The following ACER2 variants were observed in gnomAD, a reference collection of about 807,000 sequenced individuals.
The protein encoded by ACER2 is alkaline ceramidase 2, also known as alkCDase 2.
ACER2 carries 26 observed loss-of-function variants against 34.7 expected under a neutral mutation model. The ratio of observed to expected loss-of-function variants is 0.75; its 90% CI spans 0.55 to 1.04. The LOEUF (loss-of-function observed/expected upper bound fraction) is 1.04, where lower values mean the gene tolerates loss of function less well. Among genes scored for constraint, ACER2 ranks in the 50% least tolerant of loss-of-function variants. The pLI is 0.00. For synonymous variants in ACER2, 138 were observed against 132.1 expected (o/e 1.04, Z -0.31); for missense variants, 352 against 340.8 (o/e 1.03, Z -0.26).
chr9:19,425,756 T>C (rs1237873800), intron 3 of ACER2, among the ~76,000 whole-genome samples: 1 of 152,174 alleles, frequency 6.6e-6, no homozygotes, highest in Non-Finnish European at 1.5e-5. Flanking sequence ...CCAATGAAGA[T>C]GAGAAACGCT....
chr9:19,435,945 A>G (rs908690558), intron 4 of ACER2, among the ~76,000 whole-genome samples: 2 of 152,020 alleles, frequency 1.3e-5, no homozygotes, highest in African/African-American at 2.4e-5. Context: ...GCTACTTGGG[A>G]GGCTGAGGCA....
intron 4 of ACER2, among the ~76,000 whole-genome samples, chr9:19,443,533 A>G (rs777133654): frequency 1.2e-4 from 19 of 152,254 alleles, no homozygotes; most frequent in Non-Finnish European, 2.5e-4. Flanking sequence ...GGGTCCATTT[A>G]TGCATAATTT....
intron 1 of ACER2, among the ~76,000 whole-genome samples, chr9:19,417,501 A>C (rs994068470): frequency 2.6e-5 from 4 of 152,240 alleles, no homozygotes; most frequent in Non-Finnish European, 5.9e-5. Context: ...ACAGCATGGT[A>C]CTTGTACCAA....
chr9:19,428,008 T>TTCCTTTCC (rs755620690), intron 3 of ACER2, among the ~76,000 whole-genome samples: 1 of 65,640 alleles, frequency 1.5e-5, no homozygotes, highest in Admixed American at 1.7e-4. Flanking sequence ...CCTTTTTCCT[T>TTCCTTTCC]TTTCCTTTCC....
intron 4 of ACER2, among the ~76,000 whole-genome samples, chr9:19,443,013 TATTTTTTA>T (rs1157954230): frequency 2.0e-5 from 3 of 151,762 alleles, no homozygotes; most frequent in African/African-American, 4.8e-5. Flanking sequence ...ATTGTATTTT[TATTTTTTA>T]ATTTTTAATT....
chr9:19,442,901 C>T (rs576711953), intron 4 of ACER2, among the ~76,000 whole-genome samples: 5 of 151,856 alleles, frequency 3.3e-5, no homozygotes, highest in Non-Finnish European at 5.9e-5. Flanking sequence ...GGCACTATCT[C>T]GGCTCACTGC....
intron 4 of ACER2, among the ~76,000 whole-genome samples, chr9:19,439,654 T>G (rs1308837032): frequency 2.6e-5 from 4 of 152,198 alleles, no homozygotes; most frequent in Non-Finnish European, 5.9e-5. Flanking sequence ...TCACCCTTGC[T>G]GTCATAGCCA....
chr9:19,414,805 C>A (rs1830192859), intron 1 of ACER2, among the ~76,000 whole-genome samples: 1 of 149,954 alleles, frequency 6.7e-6, no homozygotes, highest in African/African-American at 2.5e-5. Context: ...AAGATCGCGC[C>A]ACTGCACTCC....
intron 3 of ACER2, among the ~76,000 whole-genome samples, chr9:19,434,279 A>T (rs940644629): frequency 6.7e-6 from 1 of 149,956 alleles, no homozygotes; most frequent in African/African-American, 2.5e-5. Context: ...GATGCTCCTC[A>T]CTTTCCAGAC....
At chr9:19,447,521 A>G (rs2132534741) in intron 5 of ACER2, among the ~76,000 whole-genome samples, 1 of 152,354 alleles carries the variant, frequency 6.6e-6, no homozygotes, top group East Asian at 1.9e-4. Flanking sequence ...AACTCAACTA[A>G]TACTAGTGAA....
chr9:19,427,806 A>G (rs1257417001), intron 3 of ACER2, among the ~76,000 whole-genome samples: 1 of 149,592 alleles, frequency 6.7e-6, no homozygotes, highest in Non-Finnish European at 1.5e-5. Context: ...AGCTGGGACT[A>G]CAGGCGCCCG....
In ACER2 at chr9:19,452,318, A is replaced by G. The variant is rs187094203; in HGVS notation, c.*1682A>G. Among the ~76,000 whole-genome samples the G allele has an allele frequency of 6.6e-6, 1 of 152,326 alleles. No individual in the cohort carries two copies. The highest frequency in any genetic ancestry group is 1.9e-4 in the East Asian group (1 of 5,194). ...TCTTACTCTAGTTAGAATTTGTACC[A>G]GATCCAAGGTGAAAACCCCAATAAG... is the stretch of plus-strand genomic sequence containing the variant. On this transcript the variant is annotated 3_prime_UTR_variant, in exon 6 of 6. Transcript: ENST00000340967.
At chr9:19,449,298 A>C (rs900483227) in intron 5 of ACER2, among the ~76,000 whole-genome samples, 39 of 152,330 alleles carry the variant, frequency 2.6e-4, no homozygotes, top group African/African-American at 9.4e-4. Flanking sequence ...AGATTCCATA[A>C]CTATCAACAC....
At chr9:19,436,173 T>A (rs538015422) in intron 4 of ACER2, among the ~76,000 whole-genome samples, 2 of 152,050 alleles carry the variant, frequency 1.3e-5, no homozygotes, top group East Asian at 3.9e-4. Flanking sequence ...TGCCTCAGCG[T>A]CCCAAAGTAT....
In ACER2 at chr9:19,409,177, CGAGTT is replaced by C. The variant is rs769611020; in HGVS notation, c.94_98del (p.Glu32LeufsTer53). ...ACTACACCATCGTGCCTGCTATCGC[CGAGTT>C]CTACAACACGGTGCGGGGCGCGGGA... On this transcript the variant is annotated frameshift_variant, in exon 1 of 6. Transcript: ENST00000340967. LOFTEE classifies it high-confidence loss of function. 5.0e-6 allele frequency: 8 copies of C among 1,598,452 alleles called. No homozygotes were observed. The Admixed American group carries it at 1.2e-4, about 24-fold the overall frequency.
In ACER2 at chr9:19,451,828, T is replaced by C. The variant is rs1464487641; in HGVS notation, c.*1192T>C. On this transcript the variant is annotated 3_prime_UTR_variant, in exon 6 of 6. Transcript: ENST00000340967. ...AAGCCTCCAGTATGCTGTACTATTC[T>C]GGAAATTACCTTCAAGAGTCTCACT... 6.6e-6 allele frequency: 1 copy of C among 152,228 alleles called. No individual in the cohort carries two copies. Among genetic ancestry groups the C allele is most frequent in the African/African-American group, 2.4e-5 (1 of 41,456 alleles). The allele number at this position is 152,228 out of a possible 1,614,324, so 9.4% of individuals were successfully genotyped here. A position where few individuals can be genotyped will look rare whatever the true frequency, so the allele number is the denominator to read the frequency against.
In ACER2 at chr9:19,409,765, T is replaced by C. The variant is rs571956196; in HGVS notation, c.108+573T>C. The C allele has an allele frequency of 7.6e-4, 747 of 985,324 alleles. 4 individuals are homozygous for C. The African/African-American group carries it at 0.011, about 15-fold the overall frequency. The allele number at this position is 985,324 out of a possible 1,614,324, so 61.0% of individuals were successfully genotyped here. On this transcript the variant is annotated intron_variant, in intron 1 of 5. Transcript: ENST00000340967. ...TTAATTACTACTTGTTTTTTTTTCTTGCCTTTAGTGTCCTGTCTTGTGCAA... is the reference window on the plus strand; with the variant it reads ...TTAATTACTACTTGTTTTTTTTTCTCGCCTTTAGTGTCCTGTCTTGTGCAA...
chr9:19,448,004 C>CTTTTTTT lies in ACER2; in HGVS notation c.641+1600_641+1606dup, dbSNP rs557934540. Among the ~76,000 whole-genome samples the CTTTTTTT allele has an allele frequency of 3.4e-3, 378 of 109,880 alleles. 7 individuals carry two copies. The highest frequency in any genetic ancestry group is 4.9e-3 in the Non-Finnish European group (279 of 56,516). The allele number at this position is 109,880 out of a possible 152,430, so 72.1% of individuals were successfully genotyped here. On this transcript the variant is annotated intron_variant, in intron 5 of 5. Transcript: ENST00000340967. ...AGCATCATTCTATACACGATGCAAACTTTTTTTTTTTTTTTTTTTTGAGAC... is the reference window on the plus strand; with the variant it reads ...AGCATCATTCTATACACGATGCAAACTTTTTTTTTTTTTTTTTTTTTTTTTTTGAGAC...
chr9:19,427,888 G>A (rs1277781335), intron 3 of ACER2, among the ~76,000 whole-genome samples: 9 of 152,042 alleles, frequency 5.9e-5, no homozygotes, highest in East Asian at 1.9e-4. Context: ...GGATGGTCTC[G>A]ATCTCCTGCC....
Sources: allele counts gnomAD v4.1 joint callset (sites outside exome capture counted in the v4.1 genomes callset), GRCh38; gene constraint gnomAD v4.1.1; transcripts MANE v1.5; gene names NCBI Gene and HGNC (gene_info 2026-07-23, HGNC 2026-07-21).